The following CHN1 variants were observed in gnomAD, a reference collection of about 807,000 sequenced individuals.
CHN1 encodes chimerin 1, also known as N-chimaerin.
A neutral mutation model predicts 59.5 loss-of-function variants in CHN1; 37 were observed. That is an observed-to-expected ratio of 0.62 (90% CI 0.48 to 0.82). The LOEUF (loss-of-function observed/expected upper bound fraction) is 0.82. Ranked by LOEUF, CHN1 falls within the 40% of genes least tolerant of loss-of-function variation. The probability of loss-of-function intolerance (pLI) is 0.00; values close to 1 mark genes in which losing one functional copy is unlikely to be tolerated. For synonymous variants in CHN1, 206 were observed against 200.4 expected, an observed-to-expected ratio of 1.03 and a Z score of -0.24; for missense variants, 469 against 571.0, an observed-to-expected ratio of 0.82 and a Z score of 1.82.
At chr2:174,921,851 A>G (rs1168886472) in intron 3 of CHN1, among the ~76,000 whole-genome samples, 1 of 152,202 alleles carries the variant, frequency 6.6e-6, no homozygotes, top group African/African-American at 2.4e-5. Context: ...ATTACCTCCC[A>G]CTGGGTCCCT....
intron 5 of CHN1, among the ~76,000 whole-genome samples, chr2:174,908,772 T>C (rs906190299): frequency 1.3e-5 from 2 of 152,182 alleles, no homozygotes; most frequent in African/African-American, 4.8e-5. Context: ...ATTATTTCAA[T>C]TGTCCAATTT....
chr2:174,945,872 T>A (rs1238346651), intron 2 of CHN1, among the ~76,000 whole-genome samples: 2 of 151,876 alleles, frequency 1.3e-5, no homozygotes, highest in African/African-American at 4.8e-5. Context: ...ATATATAGAA[T>A]AAATACAATT....
intron 1 of CHN1, among the ~76,000 whole-genome samples, chr2:174,954,819 A>T (rs546065228): frequency 1.3e-5 from 2 of 152,150 alleles, no homozygotes; most frequent in Non-Finnish European, 2.9e-5. Context: ...GGTGAAAGGG[A>T]ATACTTTTAC....
rs1410871122 is a variant in CHN1 at position 174,941,206 on chromosome 2, C to A, written c.114+3682G>T. ...CCATCAGTTTTTGAGCACGTTCTTGCTTTCCAACACAATATGTTCCAGGAC... is the reference window on the plus strand; with the variant it reads ...CCATCAGTTTTTGAGCACGTTCTTGATTTCCAACACAATATGTTCCAGGAC... On this transcript the variant is annotated intron_variant, in intron 3 of 12. Coordinates refer to ENST00000409900, the MANE Select transcript of CHN1 (RefSeq NM_001822.7). Among the ~76,000 whole-genome samples the A allele has an allele frequency of 1.3e-5, 2 of 152,088 alleles. 1 individual carries two copies. Among genetic ancestry groups the A allele is most frequent in the Non-Finnish European group, 2.9e-5 (2 of 68,006 alleles).
At chr2:174,988,494 G>C (rs1253487812) in intron 1 of CHN1, among the ~76,000 whole-genome samples, 1 of 152,144 alleles carries the variant, frequency 6.6e-6, no homozygotes, top group Non-Finnish European at 1.5e-5. Context: ...TTAGCACAGA[G>C]TGTACCGTTT....
At chr2:174,819,084 G>C (rs1404962539) in intron 8 of CHN1, among the ~76,000 whole-genome samples, 3 of 151,982 alleles carry the variant, frequency 2.0e-5, no homozygotes. Flanking sequence ...ATTTTTATAA[G>C]CAAAATTAAG....
At chr2:174,931,773 G>A (rs891168574) in intron 3 of CHN1, among the ~76,000 whole-genome samples, 2 of 152,166 alleles carry the variant, frequency 1.3e-5, no homozygotes, top group South Asian at 2.1e-4. Flanking sequence ...AATGGGCCTC[G>A]CTGGGAAGAT....
At chr2:174,947,011 A>G (rs1184647254) in intron 2 of CHN1, among the ~76,000 whole-genome samples, 1 of 151,888 alleles carries the variant, frequency 6.6e-6, no homozygotes, top group East Asian at 1.9e-4. Context: ...TTCTCAAAAT[A>G]TTGGTATTTT....
chr2:174,799,363 T>C lies in CHN1; in HGVS notation c.*753A>G. 1 of 402,716 alleles carries C rather than the reference T, an allele frequency of 2.5e-6. No homozygotes were observed. The highest frequency in any genetic ancestry group is 4.7e-6 in the Non-Finnish European group (1 of 211,688). 24.9% of individuals were successfully genotyped at this position (402,716 alleles called of 1,614,324 possible). On this transcript the variant is annotated 3_prime_UTR_variant, in exon 13 of 13. Transcript: ENST00000409900. ...AAATGGCCAAACACATTTTCCCGAA[T>C]ATTCTTATGAGAAAAAAGTAAGCTA...
At chr2:174,888,708 T>C (rs540126206) in intron 5 of CHN1, among the ~76,000 whole-genome samples, 1 of 152,280 alleles carries the variant, frequency 6.6e-6, no homozygotes, top group Non-Finnish European at 1.5e-5. Context: ...ACAGCTAAGC[T>C]CTTCTTGCAG....
intron 3 of CHN1, among the ~76,000 whole-genome samples, chr2:174,939,738 T>C: frequency 6.6e-6 from 1 of 152,182 alleles, no homozygotes; most frequent in East Asian, 1.9e-4. Flanking sequence ...ATGCAAATTA[T>C]TTAATCATCC....
chr2:174,943,882 T>C (rs1394359877), intron 3 of CHN1, among the ~76,000 whole-genome samples: 1 of 152,186 alleles, frequency 6.6e-6, no homozygotes, highest in Non-Finnish European at 1.5e-5. Context: ...GGTCTTGAAC[T>C]CCTGGATCAA....
At chr2:174,945,027 T>C in intron 2 of CHN1, 84 bp from the exon 3 acceptor site, 1 of 1,001,888 alleles carries the variant, frequency 1.0e-6, no homozygotes, top group Non-Finnish European at 1.5e-6. Flanking sequence ...TGGCTGCTTT[T>C]TATGTTCACA....
chr2:174,982,518 T>C (rs1031118579), intron 1 of CHN1, among the ~76,000 whole-genome samples: 2 of 152,224 alleles, frequency 1.3e-5, no homozygotes, highest in African/African-American at 4.8e-5. Flanking sequence ...TATCTCATAG[T>C]GGTTTTGATT....
intron 1 of CHN1, among the ~76,000 whole-genome samples, chr2:174,982,686 G>A (rs1691195778): frequency 6.6e-6 from 1 of 152,056 alleles, no homozygotes. Context: ...CTTTGCTGGC[G>A]AGTATCAAAA....
At chr2:174,943,704 T>C (rs535258210) in intron 3 of CHN1, among the ~76,000 whole-genome samples, 98 of 152,290 alleles carry the variant, frequency 6.4e-4, no homozygotes, top group African/African-American at 2.1e-3. Flanking sequence ...ATAATAATTA[T>C]GTAAATAAGG....
chr2:174,825,591 G>T (rs377065930), intron 7 of CHN1, among the ~76,000 whole-genome samples: 125 of 152,188 alleles, frequency 8.2e-4, no homozygotes, highest in Middle Eastern at 3.4e-3. Context: ...AAAAATATTG[G>T]TAGAATATTT....
rs193138297 is a variant in CHN1 at position 174,828,252 on chromosome 2, A to G, written c.628-3734T>C. ...TGGAGCTAAAACTGGCCAGGAATTCAGAGAAGGGCCACTGGACTTGAAAGC... is the reference window on the plus strand; with the variant it reads ...TGGAGCTAAAACTGGCCAGGAATTCGGAGAAGGGCCACTGGACTTGAAAGC... On this transcript the variant is annotated intron_variant, in intron 7 of 12. Coordinates refer to ENST00000409900, the MANE Select transcript of CHN1 (RefSeq NM_001822.7). 2.6e-3 allele frequency among the ~76,000 whole-genome samples: 391 copies of G among 152,324 alleles called. 2 individuals are homozygous for G. The highest frequency in any genetic ancestry group is 3.9e-3 in the Non-Finnish European group (267 of 68,028).
intron 5 of CHN1, among the ~76,000 whole-genome samples, chr2:174,913,136 A>G (rs527647881): frequency 6.6e-6 from 1 of 152,352 alleles, no homozygotes; most frequent in South Asian, 2.1e-4. Flanking sequence ...TGTGACAGAT[A>G]TAAGATGACA....
Sources: allele counts gnomAD v4.1 joint callset (sites outside exome capture counted in the v4.1 genomes callset), GRCh38; gene constraint gnomAD v4.1.1; transcripts MANE v1.5; gene names NCBI Gene and HGNC (gene_info 2026-07-23, HGNC 2026-07-21).